LRRCC1: variants seen among roughly 807,000 people sequenced by gnomAD.
LRRCC1 encodes leucine rich repeat and coiled-coil centrosomal protein 1.
A neutral mutation model predicts 126.0 loss-of-function variants in LRRCC1; 115 were observed. The observed-to-expected ratio is 0.91, with a 90% CI of 0.78 to 1.07. LRRCC1 has a LOEUF of 1.07. Ranked by LOEUF, LRRCC1 falls within the 50% of genes least tolerant of loss-of-function variation. LRRCC1 has a pLI of 0.00. For synonymous variants in LRRCC1, 400 were observed against 393.4 expected (o/e 1.02, Z -0.20); for missense variants, 1,172 against 1,175.7 (o/e 1.00, Z 0.05).
chr8:85,129,324 T>C lies in LRRCC1; in HGVS notation c.1571T>C (p.Leu524Pro). 1.2e-6 allele frequency: 2 copies of C among 1,611,988 alleles called. No individual in the cohort carries two copies. The highest frequency in any genetic ancestry group is 1.7e-6 in the Non-Finnish European group (2 of 1,179,506). ...GATCACCTTAAACACTTAAGAACCC[T>C]CGAAAAAACATTAGAAAAAATGGAG... is the stretch of plus-strand genomic sequence containing the variant. ...QEDHLKHLRTLEKTLEKMERQ... is the reference protein window; with the variant it reads ...QEDHLKHLRTPEKTLEKMERQ... The change falls in exon 10 of 19, where the codon CTC becomes CCC. Residue 524 changes from leucine to proline, a missense_variant. Coordinates refer to ENST00000360375, the MANE Select transcript of LRRCC1 (RefSeq NM_033402.5).
At chr8:85,130,249 C>A (rs909937359) in intron 11 of LRRCC1, among the ~76,000 whole-genome samples, 191 bp downstream of exon 11, 57 of 151,542 alleles carry the variant, frequency 3.8e-4, no homozygotes, top group Non-Finnish European at 7.7e-4. Flanking sequence ...CATTCTCCTG[C>A]CTCAGCCTCC....
rs551423793 is a variant in LRRCC1, at chr8:85,132,375, CTTTTTTTTTT to C, written c.1968+433_1968+442del. On this transcript the variant is annotated intron_variant, in intron 12 of 18. Transcript: ENST00000360375. ...TTACAAAAGCACAGTTGAGTACTTT[CTTTTTTTTTT>C]TTTTTTTTTTTTTTTTTTGTTTCAG... Among the ~76,000 whole-genome samples the C allele has an allele frequency of 5.6e-3, 614 of 109,936 alleles. 5 individuals are homozygous for C. Among genetic ancestry groups the C allele is most frequent in the Middle Eastern group, 0.011 (2 of 178 alleles). 72.1% of individuals were successfully genotyped at this position (109,936 alleles called of 152,430 possible).
intron 6 of LRRCC1, among the ~76,000 whole-genome samples, chr8:85,119,058 C>T (rs1809324292): frequency 6.6e-6 from 1 of 151,558 alleles, no homozygotes; most frequent in Non-Finnish European, 1.5e-5. Context: ...ATCTCAGTAC[C>T]ATTTGTAGAA....
In LRRCC1 at chr8:85,145,698, G is replaced by A. The variant is rs984335664; in HGVS notation, c.*187G>A. Reference sequence around the variant, plus strand: ...TATAGGTTTTTTATAATAAATTGTTGACAATTTTGTCTATTAGAAAAAACT... The same window carrying A: ...TATAGGTTTTTTATAATAAATTGTTAACAATTTTGTCTATTAGAAAAAACT... On this transcript the variant is annotated 3_prime_UTR_variant, in exon 19 of 19. Coordinates refer to ENST00000360375, the MANE Select transcript of LRRCC1 (RefSeq NM_033402.5). 2 of 376,398 alleles carry A rather than the reference G, an allele frequency of 5.3e-6. No individual in the cohort carries two copies. The highest frequency in any genetic ancestry group is 9.1e-6 in the Non-Finnish European group (2 of 220,098). 23.3% of individuals were successfully genotyped at this position (376,398 alleles called of 1,614,324 possible). A position where few individuals can be genotyped will look rare whatever the true frequency, so the allele number is the denominator to read the frequency against.
chr8:85,125,443 G>C (rs1381045560), intron 8 of LRRCC1, among the ~76,000 whole-genome samples: 1 of 151,744 alleles, frequency 6.6e-6, no homozygotes, highest in Non-Finnish European at 1.5e-5. Flanking sequence ...GGAGGCCGAG[G>C]CGGGCGGATC....
intron 14 of LRRCC1, 24 bp downstream of exon 14, chr8:85,135,987 G>A: frequency 6.6e-7 from 1 of 1,518,798 alleles, no homozygotes; most frequent in South Asian, 1.3e-5. Flanking sequence ...ATTTTCAAAG[G>A]GAAAATAGCT....
chr8:85,144,460 ATATATATATATATATT>A (rs1302540502), intron 18 of LRRCC1, among the ~76,000 whole-genome samples: 7 of 45,724 alleles, frequency 1.5e-4, no homozygotes, highest in Admixed American at 7.9e-4. Flanking sequence ...ATATATATAT[ATATATATATATATATT>A]TTTTTTTTTT....
At chr8:85,141,922 A>G (rs1163108649) in intron 18 of LRRCC1, among the ~76,000 whole-genome samples, 1 of 152,238 alleles carries the variant, frequency 6.6e-6, no homozygotes, top group Non-Finnish European at 1.5e-5. Flanking sequence ...TTATTATCTC[A>G]ATATTATTAA....
At chr8:85,118,717 G>A (rs1587385629) in intron 6 of LRRCC1, among the ~76,000 whole-genome samples, 1 of 151,764 alleles carries the variant, frequency 6.6e-6, no homozygotes. Flanking sequence ...TTTAAATTGG[G>A]TTGTTTATCC....
chr8:85,125,604 C>T (rs1444747963), intron 8 of LRRCC1, among the ~76,000 whole-genome samples: 1 of 133,660 alleles, frequency 7.5e-6, no homozygotes, highest in African/African-American at 2.9e-5. Context: ...ACCCGGGAGG[C>T]GGAGCTTGCA....
In LRRCC1 at chr8:85,142,021, C is replaced by T. The variant is rs1280016509; in HGVS notation, c.2976+504C>T. 2.6e-5 allele frequency among the ~76,000 whole-genome samples: 4 copies of T among 152,220 alleles called. No homozygotes were observed. The East Asian group carries it at 5.8e-4, about 22-fold the overall frequency. On this transcript the variant is annotated intron_variant, in intron 18 of 18. Transcript: ENST00000360375. ...TTTAATAATACACATTCAGGCCGGGCGCAGTGGCTCACGCAAGTAATCCCA... is the reference window on the plus strand; with the variant it reads ...TTTAATAATACACATTCAGGCCGGGTGCAGTGGCTCACGCAAGTAATCCCA...
intron 11 of LRRCC1, 58 bp downstream of exon 11, chr8:85,130,116 C>G (rs1192903562): frequency 1.5e-6 from 2 of 1,332,842 alleles, no homozygotes; most frequent in Non-Finnish European, 2.0e-6. Context: ...AAGAAAGCTA[C>G]TGGTTCCCCA....
At chr8:85,120,812 T>C (rs1199126096) in intron 6 of LRRCC1, among the ~76,000 whole-genome samples, 3 of 152,248 alleles carry the variant, frequency 2.0e-5, no homozygotes, top group African/African-American at 7.2e-5. Flanking sequence ...CAAATAATTA[T>C]TCCATTGTAT....
At position 85,118,730 on chromosome 8, in the gene LRRCC1, G is replaced by A. The variant is rs561882948; in HGVS notation, c.930+3146G>A. 2.0e-4 allele frequency among the ~76,000 whole-genome samples: 30 copies of A among 151,830 alleles called. No individual in the cohort carries two copies. The South Asian group carries it at 4.2e-3, about 21-fold the overall frequency. On this transcript the variant is annotated intron_variant, in intron 6 of 18. Transcript: ENST00000360375. Reference sequence around the variant, plus strand: ...TTTTTAAATTGGGTTGTTTATCCAGGTTGTAGGAATTTGTTGTATATGCTA... The same window carrying A: ...TTTTTAAATTGGGTTGTTTATCCAGATTGTAGGAATTTGTTGTATATGCTA...
At chr8:85,142,058 G>A (rs1010580129) in intron 18 of LRRCC1, among the ~76,000 whole-genome samples, 1 of 152,184 alleles carries the variant, frequency 6.6e-6, no homozygotes, top group African/African-American at 2.4e-5. Context: ...CACTTTGGGA[G>A]GCCAAGGCGG....
chr8:85,126,491 G>A (rs1327095128), intron 8 of LRRCC1, among the ~76,000 whole-genome samples, 198 bp from the exon 9 acceptor site: 1 of 152,192 alleles, frequency 6.6e-6, no homozygotes, highest in Non-Finnish European at 1.5e-5. Flanking sequence ...CCAGGAGGTG[G>A]AGTTTGCAGT....
chr8:85,135,836 G>A lies in LRRCC1; in HGVS notation c.2202G>A (p.Lys734=), dbSNP rs1289733654. Residue 734 remains lysine (K), a synonymous_variant, in exon 14 of 19, where the codon AAG becomes AAA. Transcript: ENST00000360375. ...TTTTAATTGAAGATGACAAGCAGAAGAGTATTCAAATAGAACTTCTCAAGC... is the reference window on the plus strand; with the variant it reads ...TTTTAATTGAAGATGACAAGCAGAAAAGTATTCAAATAGAACTTCTCAAGC... The part of the protein sequence containing the change: ...LEILIEDDKQ[K]SIQIELLKHE... 3.1e-6 allele frequency: 5 copies of A among 1,592,268 alleles called. No individual in the cohort carries two copies. The highest frequency in any genetic ancestry group is 1.7e-5 in the Admixed American group (1 of 58,054).
chr8:85,135,956 AC>A lies in LRRCC1; in HGVS notation c.2323del (p.Gln775AsnfsTer6), dbSNP rs765000991. The A allele has an allele frequency of 1.3e-6, 2 of 1,564,160 alleles. No individual in the cohort carries two copies. Among genetic ancestry groups the A allele is most frequent in the Admixed American group, 3.8e-5 (2 of 52,474 alleles). Reference protein sequence around the residue: ...ERKVWGHELAQQGSSLAQNRG... With the variant: ...ERKVWGHELAXQGSSLAQNRG... Reference sequence around the variant, plus strand: ...GAAAAGTATGGGGACATGAGCTGGCACAACAAGGTAAAATTCTCAGATTTTC... The same window carrying A: ...GAAAAGTATGGGGACATGAGCTGGCAAACAAGGTAAAATTCTCAGATTTTC... On this transcript the variant is annotated frameshift_variant, in exon 14 of 19. Transcript: ENST00000360375. LOFTEE classifies it high-confidence loss of function.
chr8:85,117,349 G>A lies in LRRCC1; in HGVS notation c.930+1765G>A, dbSNP rs188207121. Among the ~76,000 whole-genome samples the A allele has an allele frequency of 4.6e-5, 7 of 152,200 alleles. No homozygotes were observed. In the East Asian group the frequency reaches 1.3e-3, roughly 29 times the overall value. Reference sequence around the variant, plus strand: ...CTTTCTACTTTGTTAACCAAAAACAGGAGTCTAGCTATCTGGAAAGAAAGG... The same window carrying A: ...CTTTCTACTTTGTTAACCAAAAACAAGAGTCTAGCTATCTGGAAAGAAAGG... On this transcript the variant is annotated intron_variant, in intron 6 of 18. Coordinates refer to ENST00000360375, the MANE Select transcript of LRRCC1 (RefSeq NM_033402.5).
Sources: gnomAD v4.1 joint callset for allele counts (sites outside exome capture counted in the v4.1 genomes callset) on GRCh38, gnomAD v4.1.1 for gene constraint, MANE v1.5 for transcripts, NCBI Gene and HGNC (gene_info 2026-07-23, HGNC 2026-07-21) for gene names.